Variants in STK3 observed in about 807,000 individuals in gnomAD.
STK3 encodes serine/threonine kinase 3, also known as serine/threonine-protein kinase 3.
A neutral mutation model predicts 58.0 loss-of-function variants in STK3; 41 were observed. The observed-to-expected ratio is 0.71, with a 90% CI of 0.55 to 0.92. STK3 has a LOEUF of 0.92. Among genes scored for constraint, STK3 ranks in the 40% least tolerant of loss-of-function variants. The probability of loss-of-function intolerance (pLI) is 0.00; values close to 1 mark genes in which losing one functional copy is unlikely to be tolerated. For missense variants in STK3, 479 were observed against 602.7 expected (o/e 0.79, Z 2.15); for synonymous variants, 170 against 191.0 (o/e 0.89, Z 0.91).
chr8:98,382,685 A>G (rs1586543413), intron 1 of STK3, among the ~76,000 whole-genome samples: 1 of 149,032 alleles, frequency 6.7e-6, no homozygotes, highest in Non-Finnish European at 1.5e-5. Flanking sequence ...AAATACTCCC[A>G]CTCCCCTGCC....
chr8:98,680,667 A>G (rs897190930), intron 6 of STK3, among the ~76,000 whole-genome samples: 2 of 152,226 alleles, frequency 1.3e-5, no homozygotes, highest in African/African-American at 4.8e-5. Context: ...AGCAACGATA[A>G]AGGCTGAAAG....
intron 3 of STK3, among the ~76,000 whole-genome samples, chr8:98,424,914 G>C (rs4076778): frequency 1.3e-5 from 2 of 152,184 alleles, no homozygotes; most frequent in Non-Finnish European, 2.9e-5. Context: ...CAGGCAGCTC[G>C]TAGTGAAAGG....
intron 8 of STK3, among the ~76,000 whole-genome samples, chr8:98,574,210 G>A (rs1813205709): frequency 6.6e-6 from 1 of 152,140 alleles, no homozygotes; most frequent in Admixed American, 6.5e-5. Flanking sequence ...GTAAGATGTT[G>A]CCTGGTTTCT....
At chr8:98,737,264 A>C (rs1828675801) in intron 4 of STK3, among the ~76,000 whole-genome samples, 1 of 152,184 alleles carries the variant, frequency 6.6e-6, no homozygotes, top group South Asian at 2.1e-4. Context: ...TACCTGACAT[A>C]CCCAAATGAA....
intron 1 of STK3, among the ~76,000 whole-genome samples, chr8:98,911,553 C>T (rs1272697450): frequency 1.3e-5 from 2 of 152,092 alleles, no homozygotes; most frequent in Non-Finnish European, 2.9e-5. Context: ...GCCACCATGC[C>T]TGGCTAATTT....
At position 98,493,746 on chromosome 8, in the gene STK3, G is replaced by T. The variant is rs149423337; in HGVS notation, c.1317+32996C>A. Among the ~76,000 whole-genome samples, 89 of 152,260 alleles carry T rather than the reference G, an allele frequency of 5.8e-4. 1 individual carries two copies. The highest frequency in any genetic ancestry group is 2.0e-3 in the African/African-American group (82 of 41,546). On this transcript the variant is annotated intron_variant, in intron 10 of 10. Transcript: ENST00000419617. ...GAACTCCAATTCTGGTTATGTCTAA[G>T]AAGCATCTCTTTCTGAATGTCTGAT... is the stretch of plus-strand genomic sequence containing the variant.
At position 98,691,120 on chromosome 8, in the gene STK3, A is replaced by G. The variant is rs542830473; in HGVS notation, c.684+15347T>C. Among the ~76,000 whole-genome samples the G allele has an allele frequency of 6.8e-4, 104 of 152,306 alleles. 1 individual carries two copies. Among genetic ancestry groups the G allele is most frequent in the African/African-American group, 2.5e-3 (103 of 41,562 alleles). ...CTTCCTATCGGATACTATGTTCACTATCTGGGTGACAGGATCAGCAGAAGC... is the reference window on the plus strand; with the variant it reads ...CTTCCTATCGGATACTATGTTCACTGTCTGGGTGACAGGATCAGCAGAAGC... On this transcript the variant is annotated intron_variant, in intron 6 of 10. Coordinates refer to ENST00000419617, the MANE Select transcript of STK3 (RefSeq NM_006281.4).
At chr8:98,649,056 C>CAAAAA (rs199732980) in intron 6 of STK3, among the ~76,000 whole-genome samples, 1 of 89,208 alleles carries the variant, frequency 1.1e-5, no homozygotes, top group African/African-American at 4.1e-5. Flanking sequence ...GACTCTGTCT[C>CAAAAA]AAAAAAAAAA....
chr8:98,572,619 A>G, intron 8 of STK3, among the ~76,000 whole-genome samples: 1 of 152,226 alleles, frequency 6.6e-6, no homozygotes, highest in East Asian at 1.9e-4. Context: ...TGCTAAAAAT[A>G]AATGGCAATG....
At chr8:98,922,775 T>C (rs1030209968) in intron 1 of STK3, among the ~76,000 whole-genome samples, 4 of 152,254 alleles carry the variant, frequency 2.6e-5, no homozygotes, top group African/African-American at 9.6e-5. Flanking sequence ...TTGTAATTCT[T>C]GGCTCTTGTC....
chr8:98,734,126 C>T (rs1374090025), intron 4 of STK3, among the ~76,000 whole-genome samples: 2 of 152,266 alleles, frequency 1.3e-5, no homozygotes, highest in African/African-American at 4.8e-5. Context: ...GAAATCTGCA[C>T]CCATGATCCA....
chr8:98,685,726 A>T (rs563493347), intron 6 of STK3, among the ~76,000 whole-genome samples: 1 of 152,158 alleles, frequency 6.6e-6, no homozygotes, highest in Admixed American at 6.5e-5. Flanking sequence ...CGGTTAATAG[A>T]ATCAAGGTAT....
At chr8:98,573,418 T>C (rs1402311156) in intron 8 of STK3, among the ~76,000 whole-genome samples, 2 of 151,978 alleles carry the variant, frequency 1.3e-5, no homozygotes, top group African/African-American at 4.8e-5. Flanking sequence ...AAGCCCCTTA[T>C]AAAACCATCA....
intron 6 of STK3, among the ~76,000 whole-genome samples, 189 bp downstream of exon 6, chr8:98,706,278 C>A (rs1306409953): frequency 6.6e-6 from 1 of 152,150 alleles, no homozygotes; most frequent in African/African-American, 2.4e-5. Context: ...GCCTTCAGTT[C>A]TTTTCTCACA....
chr8:98,537,111 C>CAA (rs1262251661), intron 9 of STK3, among the ~76,000 whole-genome samples: 3 of 152,114 alleles, frequency 2.0e-5, no homozygotes, highest in Non-Finnish European at 4.4e-5. Context: ...TCTATTCTGT[C>CAA]AGATTTTTCT....
chr8:98,838,767 T>C (rs1034269727), intron 3 of STK3, among the ~76,000 whole-genome samples: 1 of 151,860 alleles, frequency 6.6e-6, no homozygotes, highest in African/African-American at 2.4e-5. Context: ...TTCCCTAAAG[T>C]TTTCCTGAAA....
At chr8:98,729,164 G>A (rs1210216458) in intron 4 of STK3, among the ~76,000 whole-genome samples, 2 of 152,198 alleles carry the variant, frequency 1.3e-5, no homozygotes, top group African/African-American at 4.8e-5. Context: ...ATGCTGGAGT[G>A]CAGTGGCGAG....
chr8:98,896,581 C>T (rs1191710905), intron 1 of STK3, among the ~76,000 whole-genome samples: 1 of 152,226 alleles, frequency 6.6e-6, no homozygotes, highest in African/African-American at 2.4e-5. Flanking sequence ...CATTCTATTA[C>T]CTGCCTCTGT....
chr8:98,581,541 T>C (rs1239213671), intron 7 of STK3, among the ~76,000 whole-genome samples: 1 of 151,772 alleles, frequency 6.6e-6, no homozygotes, highest in Non-Finnish European at 1.5e-5. Context: ...CCATTTAGCC[T>C]TTGCTGGTGA....
Sources: gnomAD v4.1 joint callset for allele counts (sites outside exome capture counted in the v4.1 genomes callset) on GRCh38, gnomAD v4.1.1 for gene constraint, MANE v1.5 for transcripts, NCBI Gene and HGNC (gene_info 2026-07-23, HGNC 2026-07-21) for gene names.